The following BABAM2 variants were observed in gnomAD, a reference collection of about 807,000 sequenced individuals.
BABAM2 encodes BRISC and BRCA1 A complex member 2.
In BABAM2, 31 loss-of-function variants were observed where a neutral mutation model predicts 54.7. That is an observed-to-expected ratio of 0.57 (90% confidence interval 0.43 to 0.77). BABAM2 has a LOEUF of 0.77. Ranked by LOEUF, BABAM2 falls within the 30% of genes least tolerant of loss-of-function variation. The probability of loss-of-function intolerance (pLI) is 0.00; values close to 1 mark genes in which losing one functional copy is unlikely to be tolerated. For synonymous variants in BABAM2, 167 were observed against 162.9 expected (o/e 1.03, Z -0.19); for missense variants, 364 against 455.8 (o/e 0.80, Z 1.83).
Position 28,027,208 on chromosome 2 carries a change from CA to C in BABAM2, c.495+1789del, listed in dbSNP as rs1675935431. Among the ~76,000 whole-genome samples, 5 of 151,260 alleles carry C rather than the reference CA, an allele frequency of 3.3e-5. No individual in the cohort carries two copies. In the South Asian group the frequency reaches 1.0e-3, roughly 31 times the overall value. On this transcript the variant is annotated intron_variant, in intron 5 of 11. Coordinates refer to ENST00000379624, the MANE Select transcript of BABAM2 (RefSeq NM_199191.3). ...GGTCTTTGCATAGGCTCTCTGTTGTCAGAGATGTTTCCCTCAGATATGCACA... is the reference window on the plus strand; with the variant it reads ...GGTCTTTGCATAGGCTCTCTGTTGTCGAGATGTTTCCCTCAGATATGCACA...
intron 6 of BABAM2, among the ~76,000 whole-genome samples, chr2:28,113,934 T>C (rs59019758): frequency 0.11 from 16,600 of 152,212 alleles, 1,405 homozygotes; most frequent in African/African-American, 0.23. Flanking sequence ...ACACTCATGA[T>C]TTGGCTCCCT....
chr2:28,074,224 C>T, intron 6 of BABAM2, among the ~76,000 whole-genome samples: 1 of 152,164 alleles, frequency 6.6e-6, no homozygotes, highest in Middle Eastern at 3.2e-3. Context: ...TAGCTATTCT[C>T]TTACCCAGTG....
At chr2:28,186,180 T>G (rs1676260049) in intron 7 of BABAM2, among the ~76,000 whole-genome samples, 1 of 152,222 alleles carries the variant, frequency 6.6e-6, no homozygotes, top group Admixed American at 6.5e-5. Flanking sequence ...AAACTGTTGA[T>G]GTGGTAAATT....
intron 6 of BABAM2, among the ~76,000 whole-genome samples, chr2:28,090,710 T>A (rs1666089259): frequency 6.6e-6 from 1 of 152,240 alleles, no homozygotes; most frequent in African/African-American, 2.4e-5. Context: ...AGATGTCTTC[T>A]GGTTTACCTC....
chr2:27,984,866 C>T (rs908799752), intron 3 of BABAM2, among the ~76,000 whole-genome samples: 2 of 151,918 alleles, frequency 1.3e-5, no homozygotes, highest in African/African-American at 4.8e-5. Context: ...TCCCTCGAGT[C>T]CCCAAAGTCC....
At chr2:28,011,983 T>C (rs1674435817) in intron 4 of BABAM2, among the ~76,000 whole-genome samples, 2 of 152,220 alleles carry the variant, frequency 1.3e-5, no homozygotes, top group South Asian at 2.1e-4. Flanking sequence ...GAATTGGGAT[T>C]CTTAACTCTC....
chr2:28,101,724 G>A (rs943722415), intron 6 of BABAM2, among the ~76,000 whole-genome samples: 5 of 152,094 alleles, frequency 3.3e-5, no homozygotes, highest in East Asian at 1.9e-4. Context: ...TAATGTATTA[G>A]TACATAGGTT....
At chr2:28,316,500 C>T (rs2148296149) in intron 11 of BABAM2, among the ~76,000 whole-genome samples, 1 of 152,046 alleles carries the variant, frequency 6.6e-6, no homozygotes, top group South Asian at 2.1e-4. Context: ...TCCTCAGCCC[C>T]CTCTGTCTGG....
Position 27,995,296 on chromosome 2 carries a change from C to G in BABAM2, c.300+7209C>G, listed in dbSNP as rs544616604. Reference sequence around the variant, plus strand: ...GTCTTCTGCATGGCTCTGGCAGCACCGTGGGAGCAAGGAGGAAAGTACACA... The same window carrying G: ...GTCTTCTGCATGGCTCTGGCAGCACGGTGGGAGCAAGGAGGAAAGTACACA... On this transcript the variant is annotated intron_variant, in intron 4 of 11. Coordinates refer to ENST00000379624, the MANE Select transcript of BABAM2 (RefSeq NM_199191.3). This position sits in a 1 kb window ranked among gnomAD's most constrained non-coding sequence, Gnocchi z 4.1. 1.2e-4 allele frequency among the ~76,000 whole-genome samples: 18 copies of G among 152,182 alleles called. No homozygotes were observed. Among genetic ancestry groups the G allele is most frequent in the Non-Finnish European group, 2.5e-4 (17 of 68,002 alleles).
intron 7 of BABAM2, among the ~76,000 whole-genome samples, chr2:28,136,421 G>C (rs1351299341): frequency 1.3e-5 from 2 of 152,258 alleles, no homozygotes; most frequent in Admixed American, 6.5e-5. Context: ...CCTCTGGCCA[G>C]GCTGGCCCTA....
At chr2:28,129,215 C>G (rs956964805) in intron 6 of BABAM2, 56 bp from the exon 7 acceptor site, 1 of 1,481,830 alleles carries the variant, frequency 6.7e-7, no homozygotes, top group African/African-American at 1.4e-5. Context: ...GAGCTTGACA[C>G]TAATAAGATG....
intron 7 of BABAM2, among the ~76,000 whole-genome samples, chr2:28,210,850 T>C (rs1302078119): frequency 6.6e-6 from 1 of 152,158 alleles, no homozygotes; most frequent in Non-Finnish European, 1.5e-5. Context: ...TTTCTTGAAA[T>C]GATTATATTT....
intron 11 of BABAM2, among the ~76,000 whole-genome samples, chr2:28,305,660 T>C (rs1021692489): frequency 6.6e-6 from 1 of 152,142 alleles, no homozygotes; most frequent in African/African-American, 2.4e-5. Context: ...GCAAAAAATA[T>C]TTAGTGTCTT....
chr2:28,051,114 T>C (rs1323439532), intron 6 of BABAM2, among the ~76,000 whole-genome samples: 1 of 152,230 alleles, frequency 6.6e-6, no homozygotes, highest in Non-Finnish European at 1.5e-5. Flanking sequence ...GCAGTGTTAC[T>C]GTTAGTCTCC....
chr2:28,135,894 C>A (rs1424687606), intron 7 of BABAM2, among the ~76,000 whole-genome samples: 1 of 152,170 alleles, frequency 6.6e-6, no homozygotes, highest in African/African-American at 2.4e-5. Context: ...CTTCCTATTT[C>A]AGTTTATCCA....
At chr2:27,951,933 T>C (rs1388949200) in intron 3 of BABAM2, among the ~76,000 whole-genome samples, 3 of 152,236 alleles carry the variant, frequency 2.0e-5, no homozygotes, top group African/African-American at 7.2e-5. Context: ...CATATCTTTA[T>C]TGAGCTTCTG....
intron 10 of BABAM2, among the ~76,000 whole-genome samples, chr2:28,255,356 T>G (rs1484803655): frequency 1.3e-5 from 2 of 151,748 alleles, no homozygotes; most frequent in African/African-American, 4.8e-5. Flanking sequence ...TCACTGCAAC[T>G]TCAGCCTTCC....
At chr2:27,924,581 A>G (rs918821207) in intron 2 of BABAM2, among the ~76,000 whole-genome samples, 17 of 152,182 alleles carry the variant, frequency 1.1e-4, no homozygotes, top group Admixed American at 5.9e-4. Context: ...ATGGGGTTTC[A>G]CCATGTTGGC....
intron 6 of BABAM2, among the ~76,000 whole-genome samples, chr2:28,125,237 G>A (rs1329192765): frequency 6.6e-6 from 1 of 151,892 alleles, no homozygotes; most frequent in Non-Finnish European, 1.5e-5. Flanking sequence ...CAAACTCACA[G>A]GTCCAAATGT....
Sources: gnomAD v4.1 joint callset for allele counts (sites outside exome capture counted in the v4.1 genomes callset) on GRCh38, gnomAD v4.1.1 for gene constraint, Gnocchi (gnomAD v3.1) non-coding constraint, MANE v1.5 for transcripts, NCBI Gene and HGNC (gene_info 2026-07-23, HGNC 2026-07-21) for gene names.